The following ASPG variants were observed in gnomAD, a reference collection of about 807,000 sequenced individuals.
ASPG encodes 60 kDa lysophospholipase.
Under a neutral mutation model 63.2 loss-of-function variants are expected in ASPG, and 53 were observed. The ratio of observed to expected loss-of-function variants is 0.84; its 90% confidence interval spans 0.67 to 1.05. ASPG has a LOEUF of 1.05. ASPG is among the 50% of genes least tolerant of loss of function. ASPG has a pLI of 0.00. For synonymous variants in ASPG, 370 were observed against 355.0 expected (o/e 1.04, Z -0.48); for missense variants, 741 against 794.4 (o/e 0.93, Z 0.81).
intron 3 of ASPG, 144 bp from the exon 4 acceptor site, chr14:104,095,387 C>T (rs1247121170): frequency 8.4e-7 from 1 of 1,187,876 alleles, no homozygotes; most frequent in African/African-American, 1.5e-5. Context: ...GCTAATCTTC[C>T]AGAGAGGGAC....
chr14:104,092,968 C>G (rs1400296564), intron 2 of ASPG: 1 of 567,642 alleles, frequency 1.8e-6, no homozygotes, highest in African/African-American at 1.9e-5. Flanking sequence ...CCACCCTCCT[C>G]CCACACCCCC....
At chr14:104,108,573 G>A in intron 12 of ASPG, 1 of 985,422 alleles carries the variant, frequency 1.0e-6, no homozygotes, top group Non-Finnish European at 1.2e-6. Context: ...TGCTTTGCAG[G>A]GGTGGGGGCA....
At position 104,104,319 on chromosome 14, in the gene ASPG, C is replaced by A. The variant is rs576657269; in HGVS notation, c.769C>A (p.Gln257Lys). 7 of 1,611,618 alleles carry A rather than the reference C, an allele frequency of 4.3e-6. No individual in the cohort carries two copies. The African/African-American group carries it at 6.7e-5, about 15-fold the overall frequency. Residue 257 changes from glutamine (Q) to lysine (K), a missense_variant, in exon 8 of 16, where the codon CAG becomes AAG. Gln to Lys is a moderately conservative substitution (Grantham distance 53, BLOSUM62 1). Transcript: ENST00000551177. ...CGCCCCACAGGTTCGGGCCTTCTTG[C>A]AGCCTCCCCTGAAGGGCGTGGTCAT... Reference protein sequence around the residue: ...IPAALVRAFLQPPLKGVVMET... With the variant: ...IPAALVRAFLKPPLKGVVMET...
chr14:104,095,828 G>A (rs555880847), intron 4 of ASPG, among the ~76,000 whole-genome samples, 172 bp downstream of exon 4: 50 of 152,250 alleles, frequency 3.3e-4, no homozygotes, highest in African/African-American at 1.0e-3. Flanking sequence ...GGTCCTGCCC[G>A]GGTGCCAGCA....
chr14:104,091,357 C>G lies in ASPG; in HGVS notation c.83-1276C>G, dbSNP rs899609431. Among the ~76,000 whole-genome samples the G allele has an allele frequency of 6.6e-6, 1 of 152,112 alleles. No individual in the cohort carries two copies. The highest frequency in any genetic ancestry group is 1.5e-5 in the Non-Finnish European group (1 of 68,026). ...TGTCCTGGCTGTGCTCTGGGCGCCT[C>G]GGAGGGCAGACGGGCAGACAAACAT... On this transcript the variant is annotated intron_variant, in intron 1 of 15. Coordinates refer to ENST00000551177, the MANE Select transcript of ASPG (RefSeq NM_001080464.3). The surrounding 1 kb of genome is among the most constrained non-coding windows in gnomAD (Gnocchi z 6.4).
In ASPG at chr14:104,092,766, C is replaced by T. The variant is rs1297886636; in HGVS notation, c.191+25C>T. On this transcript the variant is annotated intron_variant, in intron 2 of 15. Coordinates refer to ENST00000551177, the MANE Select transcript of ASPG (RefSeq NM_001080464.3). ...CGTGAGTGTGGGCTCCTCCCAGTCC[C>T]GGACAGGGCATGGCTGCTGAGGGGC... is the stretch of plus-strand genomic sequence containing the variant. The T allele has an allele frequency of 1.5e-5, 23 of 1,520,770 alleles. No homozygotes were observed. The Admixed American group carries it at 2.9e-4, about 19-fold the overall frequency. The allele number at this position is 1,520,770 out of a possible 1,614,324, so 94.2% of individuals were successfully genotyped here.
At chr14:104,099,631 A>C in intron 6 of ASPG, among the ~76,000 whole-genome samples, 1 of 152,004 alleles carries the variant, frequency 6.6e-6, no homozygotes, top group Non-Finnish European at 1.5e-5. Context: ...TGCTTCCTGG[A>C]CTCTACCCGG....
At chr14:104,108,775 G>A (rs935605484) in intron 12 of ASPG, 23 of 985,268 alleles carry the variant, frequency 2.3e-5, no homozygotes, top group East Asian at 1.1e-4. Flanking sequence ...TGTCCCCTGC[G>A]CCTGGCTGAG....
At position 104,095,672 on chromosome 14, in the gene ASPG, C is replaced by T. The variant is rs373700031; in HGVS notation, c.429+16C>T. 4.1e-5 allele frequency: 66 copies of T among 1,611,912 alleles called. No homozygotes were observed. The highest frequency in any genetic ancestry group is 3.4e-4 in the South Asian group (31 of 91,068). ...TGGGGCCCAGGTAATCCCAGGGGCC[C>T]GGGGCTCCTAGGAACAGGGGCTTCC... On this transcript the variant is annotated intron_variant, in intron 4 of 15. Transcript: ENST00000551177.
Position 104,113,739 on chromosome 14 carries a change from C to A in ASPG, c.*1195C>A, listed in dbSNP as rs1252814804. On this transcript the variant is annotated 3_prime_UTR_variant, in exon 16 of 16. Transcript: ENST00000551177. ...CAAGCCTGGCTGGTACTGCCGCTGG[C>A]ATCCTTGCTGTCCTCACCCCGACAC... 1.3e-5 allele frequency: 2 copies of A among 152,392 alleles called. No homozygotes were observed. Among genetic ancestry groups the A allele is most frequent in the Admixed American group, 1.3e-4 (2 of 15,288 alleles). 9.4% of individuals were successfully genotyped at this position (152,392 alleles called of 1,614,324 possible).
intron 6 of ASPG, among the ~76,000 whole-genome samples, chr14:104,099,606 T>C (rs1016158011): frequency 1.3e-5 from 2 of 152,212 alleles, no homozygotes; most frequent in Non-Finnish European, 2.9e-5. Flanking sequence ...GGTGTGCTCC[T>C]GCTGAGGGAG....
chr14:104,098,936 C>T lies in ASPG; in HGVS notation c.597C>T (p.Ser199=), dbSNP rs1283888586. 1.9e-6 allele frequency: 3 copies of T among 1,604,802 alleles called. No homozygotes were observed. The highest frequency in any genetic ancestry group is 2.5e-6 in the Non-Finnish European group (3 of 1,176,598). The change falls in exon 6 of 16, where the codon TCC becomes TCT. Residue 199 remains serine (S), a synonymous_variant. Transcript: ENST00000551177. ...CTCGGAGGTTCGCAGCTTTCTGCTC[C>T]CCGAACCTGCTGCCTCTGGCCACAG... ...VDARRFAAFC[S]PNLLPLATVG... is the part of the protein sequence containing the mutation.
rs1190048004 is a variant in ASPG, at chr14:104,115,541, GA to G, written c.*3000del. On this transcript the variant is annotated 3_prime_UTR_variant, in exon 16 of 16. Transcript: ENST00000551177. ...GGAGTTTGAGAACAGCCAACATGGC[GA>G]AACTCTGTCTCTTAAAAAATAAATA... 1 of 152,148 alleles carries G rather than the reference GA, an allele frequency of 6.6e-6. No homozygotes were observed. The highest frequency in any genetic ancestry group is 1.5e-5 in the Non-Finnish European group (1 of 68,042). 9.4% of individuals were successfully genotyped at this position (152,148 alleles called of 1,614,324 possible).
chr14:104,104,722 A>G lies in ASPG; in HGVS notation c.1037A>G (p.Asp346Gly). 1 of 1,596,800 alleles carries G rather than the reference A, an allele frequency of 6.3e-7. No individual in the cohort carries two copies. Among genetic ancestry groups the G allele is most frequent in the Non-Finnish European group, 8.6e-7 (1 of 1,169,312 alleles). ...YVLGQPGLSL[D>G]VRKELLTKDL... Reference sequence around the variant, plus strand: ...CTGGGCCAGCCAGGGCTGAGCCTGGATGTCAGGAAGGAGGTGCGGGCGCTC... The same window carrying G: ...CTGGGCCAGCCAGGGCTGAGCCTGGGTGTCAGGAAGGAGGTGCGGGCGCTC... The change falls in exon 9 of 16, where the codon GAT becomes GGT. Residue 346 changes from aspartate to glycine, a missense_variant. Physicochemically the swap from Asp to Gly is moderately conservative, Grantham distance 94 (BLOSUM62 -1). Transcript: ENST00000551177.
In ASPG at chr14:104,089,434, G is replaced by A. The variant is rs1414817062; in HGVS notation, c.83-3199G>A. On this transcript the variant is annotated intron_variant, in intron 1 of 15. Transcript: ENST00000551177. ...CTGGGGAGGCTGAGGCATGAGAATC[G>A]CTTGAACCCAGGAGGTGGAGGTTGC... Among the ~76,000 whole-genome samples, 4 of 152,106 alleles carry A rather than the reference G, an allele frequency of 2.6e-5. 1 individual carries two copies. In the South Asian group the frequency reaches 8.3e-4, roughly 32 times the overall value.
chr14:104,112,618 C>T lies in ASPG; in HGVS notation c.*74C>T. 1.3e-6 allele frequency: 2 copies of T among 1,579,802 alleles called. No homozygotes were observed. The highest frequency in any genetic ancestry group is 2.3e-5 in the South Asian group (2 of 87,134). On this transcript the variant is annotated 3_prime_UTR_variant, in exon 16 of 16. Coordinates refer to ENST00000551177, the MANE Select transcript of ASPG (RefSeq NM_001080464.3). ...TGCTGGAGGGGTCTCAGGCATGACC[C>T]CACTGCTGGGGCTGCTTCCCAGCCT...
chr14:104,103,663 C>T lies in ASPG; in HGVS notation c.741C>T (p.Ile247=), dbSNP rs751252438. 1.6e-5 allele frequency: 24 copies of T among 1,547,774 alleles called. No individual in the cohort carries two copies. The South Asian group carries it at 2.7e-4, about 18-fold the overall frequency. The change falls in exon 7 of 16, where the codon ATC becomes ATT. Residue 247 remains isoleucine, a synonymous_variant. Transcript: ENST00000551177. ...DVGLLRLYPG[I]PAALVRAFLQ... ...GCCTGCTGCGCCTCTACCCTGGGAT[C>T]CCTGCCGCCCTGGTAGGGACCGCCC...
chr14:104,105,489 A>G (rs1744300), intron 10 of ASPG, 39 bp downstream of exon 10: 1,500,820 of 1,510,676 alleles, frequency 0.99, 746,066 homozygotes, highest in Non-Finnish European at 1. Context: ...GCAGCTGGGG[A>G]CTGTGCACCC....
Position 104,110,034 on chromosome 14 carries a change from C to G in ASPG, c.1520+719C>G. 3.0e-6 allele frequency: 3 copies of G among 985,386 alleles called. No individual in the cohort carries two copies. The highest frequency in any genetic ancestry group is 3.6e-6 in the Non-Finnish European group (3 of 829,918). The allele number at this position is 985,386 out of a possible 1,614,324, so 61.0% of individuals were successfully genotyped here. On this transcript the variant is annotated intron_variant, in intron 13 of 15. Coordinates refer to ENST00000551177, the MANE Select transcript of ASPG (RefSeq NM_001080464.3). This position sits in a 1 kb window ranked among gnomAD's most constrained non-coding sequence, Gnocchi z 4.7. The stretch of plus-strand genomic sequence containing the variant: ...CGCCACAGCCAGAATCGCTGCCCCC[C>G]ACCCCATGCCTTGTGCCTGGTGACT...
Sources: allele counts gnomAD v4.1 joint callset (sites outside exome capture counted in the v4.1 genomes callset), GRCh38; gene constraint gnomAD v4.1.1; non-coding constraint Gnocchi (gnomAD v3.1); transcripts MANE v1.5; gene names NCBI Gene and HGNC (gene_info 2026-07-23, HGNC 2026-07-21).